The following NMNAT2 variants were observed in gnomAD, a reference collection of about 807,000 sequenced individuals.
NMNAT2 encodes nicotinamide/nicotinic acid mononucleotide adenylyltransferase 2.
Under a neutral mutation model 41.6 loss-of-function variants are expected in NMNAT2, and 11 were observed. That is an observed-to-expected ratio of 0.26 (90% CI 0.17 to 0.44). The LOEUF is 0.44. Among genes scored for constraint, NMNAT2 ranks in the 20% least tolerant of loss-of-function variants. The probability of loss-of-function intolerance (pLI) is 1.00; values close to 1 mark genes in which losing one functional copy is unlikely to be tolerated. For missense variants in NMNAT2, 288 were observed against 407.7 expected (o/e 0.71, Z 2.53); for synonymous variants, 148 against 151.2 (o/e 0.98, Z 0.16).
At chr1:183,347,300 A>G (rs928699389) in intron 1 of NMNAT2, among the ~76,000 whole-genome samples, 1 of 152,170 alleles carries the variant, frequency 6.6e-6, no homozygotes, top group East Asian at 1.9e-4. Flanking sequence ...CAAAAAAAAT[A>G]GAAACATTAG....
intron 1 of NMNAT2, among the ~76,000 whole-genome samples, chr1:183,409,912 TTTG>T (rs1207798624): frequency 6.6e-6 from 1 of 152,190 alleles, no homozygotes; most frequent in Non-Finnish European, 1.5e-5. Flanking sequence ...TTTTTGCTTG[TTTG>T]TTGTTATTTT....
chr1:183,267,872 C>T (rs1342626012), intron 8 of NMNAT2, among the ~76,000 whole-genome samples: 1 of 152,078 alleles, frequency 6.6e-6, no homozygotes, highest in Non-Finnish European at 1.5e-5. Context: ...CAATGTGACC[C>T]CACACCATGG....
At chr1:183,324,588 T>C (rs1037292900) in intron 1 of NMNAT2, among the ~76,000 whole-genome samples, 1 of 152,184 alleles carries the variant, frequency 6.6e-6, no homozygotes, top group Admixed American at 6.5e-5. Context: ...CAAACCACTC[T>C]GGCTTTCTTT....
At chr1:183,310,681 C>T (rs1468884050) in intron 1 of NMNAT2, among the ~76,000 whole-genome samples, 1 of 152,168 alleles carries the variant, frequency 6.6e-6, no homozygotes, top group Non-Finnish European at 1.5e-5. Flanking sequence ...TGCTTAACAT[C>T]CTATAATGCA....
intron 1 of NMNAT2, among the ~76,000 whole-genome samples, chr1:183,296,639 G>C (rs992389711): frequency 2.0e-5 from 3 of 151,820 alleles, no homozygotes; most frequent in Non-Finnish European, 4.4e-5. Flanking sequence ...CAGCCTCATA[G>C]GTAGCTGGGA....
intron 1 of NMNAT2, among the ~76,000 whole-genome samples, chr1:183,415,387 T>C (rs1490373690): frequency 6.6e-6 from 1 of 152,254 alleles, no homozygotes; most frequent in East Asian, 1.9e-4. Flanking sequence ...CTGGTTTCTT[T>C]AGACATGAGA....
chr1:183,407,359 C>T (rs1324695408), intron 1 of NMNAT2, among the ~76,000 whole-genome samples: 1 of 152,124 alleles, frequency 6.6e-6, no homozygotes, highest in African/African-American at 2.4e-5. Flanking sequence ...GTCACTGGCA[C>T]CTCGTGTTTG....
At chr1:183,396,124 C>A (rs949628045) in intron 1 of NMNAT2, among the ~76,000 whole-genome samples, 1 of 152,188 alleles carries the variant, frequency 6.6e-6, no homozygotes, top group Non-Finnish European at 1.5e-5. Flanking sequence ...TGCAAACAAA[C>A]CCTGGCACTA....
At position 183,342,067 on chromosome 1, in the gene NMNAT2, C is replaced by T. The variant is rs1256961132; in HGVS notation, c.86-48274G>A. ...ACCAACCCTTTGGCATTGGGGAACC[C>T]CTGCCCACTGCCCCTGCTGAGGCCC... On this transcript the variant is annotated intron_variant, in intron 1 of 10. Coordinates refer to ENST00000287713, the MANE Select transcript of NMNAT2 (RefSeq NM_015039.4). 1.3e-5 allele frequency among the ~76,000 whole-genome samples: 2 copies of T among 151,230 alleles called. 1 individual carries two copies.
intron 1 of NMNAT2, among the ~76,000 whole-genome samples, chr1:183,340,949 C>A (rs1189365784): frequency 6.6e-6 from 1 of 152,236 alleles, no homozygotes; most frequent in African/African-American, 2.4e-5. Flanking sequence ...AAAGGCTCCA[C>A]ATGCATTATT....
intron 1 of NMNAT2, among the ~76,000 whole-genome samples, chr1:183,400,543 C>T (rs1351856253): frequency 6.6e-6 from 1 of 152,124 alleles, no homozygotes; most frequent in Non-Finnish European, 1.5e-5. Flanking sequence ...TGACTTTCTT[C>T]ACAGAATTGG....
At chr1:183,371,441 G>A (rs112793848) in intron 1 of NMNAT2, among the ~76,000 whole-genome samples, 1 of 152,160 alleles carries the variant, frequency 6.6e-6, no homozygotes, top group Non-Finnish European at 1.5e-5. Context: ...ACAACACCCC[G>A]AATGAGCTCT....
intron 1 of NMNAT2, chr1:183,304,743 T>A: frequency 1.9e-6 from 3 of 1,613,982 alleles, no homozygotes; most frequent in Non-Finnish European, 2.5e-6. Context: ...TTTCCATCTA[T>A]TTGTCTGGTT....
At chr1:183,340,530 G>T (rs1365727060) in intron 1 of NMNAT2, among the ~76,000 whole-genome samples, 1 of 151,996 alleles carries the variant, frequency 6.6e-6, no homozygotes, top group Non-Finnish European at 1.5e-5. Flanking sequence ...CACCATGTTG[G>T]CCAGGCTGGT....
At chr1:183,319,669 T>C (rs1662321106) in intron 1 of NMNAT2, among the ~76,000 whole-genome samples, 1 of 152,152 alleles carries the variant, frequency 6.6e-6, no homozygotes. Context: ...TCTCTTCCCC[T>C]CTCTCTTTCT....
At chr1:183,300,036 G>A (rs1047893716) in intron 1 of NMNAT2, among the ~76,000 whole-genome samples, 4 of 152,098 alleles carry the variant, frequency 2.6e-5, no homozygotes, top group Admixed American at 6.5e-5. Context: ...TGGAACCCTC[G>A]TGGATGGAAT....
chr1:183,373,394 C>A (rs1663594874), intron 1 of NMNAT2, among the ~76,000 whole-genome samples: 2 of 152,296 alleles, frequency 1.3e-5, no homozygotes, highest in South Asian at 4.1e-4. Flanking sequence ...CTTTCCATGA[C>A]CCCGTGGAGA....
intron 1 of NMNAT2, among the ~76,000 whole-genome samples, chr1:183,360,352 G>T (rs1663281863): frequency 6.6e-6 from 1 of 151,854 alleles, no homozygotes; most frequent in African/African-American, 2.4e-5. Flanking sequence ...CACCCCCGAG[G>T]GTAAGATGCT....
intron 1 of NMNAT2, among the ~76,000 whole-genome samples, chr1:183,302,761 C>T (rs1661892894): frequency 6.6e-6 from 1 of 152,184 alleles, no homozygotes; most frequent in Non-Finnish European, 1.5e-5. Context: ...GGAGAGCCTG[C>T]CTCACCTGTC....
Sources: allele counts gnomAD v4.1 joint callset (sites outside exome capture counted in the v4.1 genomes callset), GRCh38; gene constraint gnomAD v4.1.1; transcripts MANE v1.5; gene names NCBI Gene and HGNC (gene_info 2026-07-23, HGNC 2026-07-21).